Variants in PALLD observed in about 807,000 individuals in gnomAD.
PALLD encodes palladin, cytoskeletal associated protein, also known as palladin.
In PALLD, 61 loss-of-function variants were observed where a neutral mutation model predicts 123.5. The ratio of observed to expected loss-of-function variants is 0.49; its 90% CI spans 0.40 to 0.61. PALLD has a LOEUF of 0.61. Ranked by LOEUF, PALLD falls within the 20% of genes least tolerant of loss-of-function variation. The pLI, the probability that PALLD is intolerant of heterozygous loss-of-function variation, is 0.00. For missense variants in PALLD, 1,273 were observed against 1,377.0 expected (o/e 0.92, Z 1.20); for synonymous variants, 465 against 496.4 (o/e 0.94, Z 0.84).
intron 6 of PALLD, among the ~76,000 whole-genome samples, chr4:168,686,246 C>T (rs371756143): frequency 3.6e-4 from 55 of 152,162 alleles, no homozygotes; most frequent in Admixed American, 1.2e-3. Flanking sequence ...CTGGGATACA[C>T]GTGCAGAATG....
rs77206897 is a variant in PALLD, at chr4:168,733,347, T to G, written c.1964+21424T>G. 3.8e-3 allele frequency among the ~76,000 whole-genome samples: 576 copies of G among 152,326 alleles called. 3 individuals carry two copies. Among genetic ancestry groups the G allele is most frequent in the Middle Eastern group, 0.02 (6 of 294 alleles). ...TTCCTAACCCTGAAATTCTACAAAT[T>G]TACTGCTTAGGGATGACTCCTGCAT... On this transcript the variant is annotated intron_variant, in intron 10 of 21. Transcript: ENST00000505667.
chr4:168,832,124 T>C, intron 10 of PALLD: 2 of 976,984 alleles, frequency 2.0e-6, no homozygotes, highest in South Asian at 4.7e-5. Context: ...TCCCGCTCGC[T>C]CCGGACGCGG....
intron 2 of PALLD, among the ~76,000 whole-genome samples, chr4:168,590,036 C>T (rs1771242259): frequency 6.6e-6 from 1 of 152,188 alleles, no homozygotes; most frequent in African/African-American, 2.4e-5. Flanking sequence ...CTCAGGTTGA[C>T]TAGAAGTCTT....
At chr4:168,741,715 G>GGA (rs143187290) in intron 10 of PALLD, among the ~76,000 whole-genome samples, 34 of 151,288 alleles carry the variant, frequency 2.2e-4, no homozygotes, top group African/African-American at 8.2e-4. Flanking sequence ...AAGAATGGTT[G>GGA]GAGAGAGAGA....
intron 2 of PALLD, among the ~76,000 whole-genome samples, chr4:168,573,827 C>A (rs13128960): frequency 0.66 from 99,613 of 151,966 alleles, 32,858 homozygotes; most frequent in East Asian, 0.91. Context: ...TATTGTATTT[C>A]TAAATGCTTG....
intron 10 of PALLD, among the ~76,000 whole-genome samples, chr4:168,746,284 G>A (rs532950048): frequency 8.6e-5 from 13 of 150,392 alleles, no homozygotes; most frequent in African/African-American, 2.9e-4. Context: ...AGGAGGCTGA[G>A]GCAGGAGAAT....
chr4:168,802,159 C>G (rs767650300), intron 10 of PALLD, among the ~76,000 whole-genome samples: 12 of 152,218 alleles, frequency 7.9e-5, no homozygotes, highest in Non-Finnish European at 1.3e-4. Context: ...CCTCTTTTAT[C>G]TGTGTAGTCA....
chr4:168,886,181 A>C (rs984947833), intron 10 of PALLD, among the ~76,000 whole-genome samples: 2 of 152,174 alleles, frequency 1.3e-5, no homozygotes, highest in Non-Finnish European at 2.9e-5. Flanking sequence ...TATGCATAAA[A>C]TCTTAATACA....
chr4:168,650,178 GAAAAGAAAAGAAAAAAAAGA>G (rs1777894074), intron 2 of PALLD, among the ~76,000 whole-genome samples: 1 of 151,570 alleles, frequency 6.6e-6, no homozygotes, highest in African/African-American at 2.4e-5. Context: ...CCATCTGAAA[GAAAAGAAAAGAAAAAAAAGA>G]AAAAGAAAAG....
chr4:168,539,004 C>T (rs1765354859), intron 2 of PALLD, among the ~76,000 whole-genome samples: 1 of 152,178 alleles, frequency 6.6e-6, no homozygotes, highest in Non-Finnish European at 1.5e-5. Flanking sequence ...GAAAAACAGG[C>T]ATTTCACAGA....
chr4:168,664,877 C>T (rs957087418), intron 2 of PALLD, among the ~76,000 whole-genome samples: 16 of 151,872 alleles, frequency 1.1e-4, no homozygotes, highest in African/African-American at 3.9e-4. Flanking sequence ...TGTGTTTGAT[C>T]TATGATTGGA....
At position 168,924,401 on chromosome 4, in the gene PALLD, C is replaced by T. The variant is rs2126574261; in HGVS notation, c.3205C>T (p.His1069Tyr). 1.2e-6 allele frequency: 2 copies of T among 1,613,934 alleles called. No individual in the cohort carries two copies. The highest frequency in any genetic ancestry group is 2.2e-5 in the East Asian group (1 of 44,872). The change falls in exon 19 of 22, where the codon CAC (histidine) becomes TAC (tyrosine). Residue 1069 changes from histidine to tyrosine, a missense_variant. Coordinates refer to ENST00000505667, the MANE Select transcript of PALLD (RefSeq NM_001166108.2). ...FWKKENESLTHSTDRVSMHQD... is the reference protein window; with the variant it reads ...FWKKENESLTYSTDRVSMHQD... ...GAAGAAAGAAAATGAATCACTCACT[C>T]ACAGCACTGACCGAGTGAGGTAAGA... is the stretch of plus-strand genomic sequence containing the variant.
intron 2 of PALLD, among the ~76,000 whole-genome samples, chr4:168,583,718 A>G (rs1226222572): frequency 4.6e-5 from 7 of 152,164 alleles, no homozygotes; most frequent in South Asian, 2.1e-4. Context: ...TACACATCTC[A>G]GCCCTTGGGA....
chr4:168,876,164 T>C (rs1314541831), intron 10 of PALLD, among the ~76,000 whole-genome samples: 1 of 152,084 alleles, frequency 6.6e-6, no homozygotes, highest in African/African-American at 2.4e-5. Context: ...ATTGAGGAAA[T>C]GTAAGAGAGA....
At chr4:168,542,420 T>A (rs1402629736) in intron 2 of PALLD, among the ~76,000 whole-genome samples, 6 of 151,540 alleles carry the variant, frequency 4.0e-5, no homozygotes, top group East Asian at 3.9e-4. Flanking sequence ...GAAAATTTTT[T>A]AAAATAAATT....
At chr4:168,681,540 AT>A (rs34328020) in intron 4 of PALLD, 142 bp downstream of exon 4, 40,898 of 335,116 alleles carry the variant, frequency 0.12, 38 homozygotes, top group South Asian at 0.18. Flanking sequence ...TTGGAACACA[AT>A]TTTTTTTTTT....
intron 2 of PALLD, among the ~76,000 whole-genome samples, chr4:168,620,325 C>A (rs1048322831): frequency 6.6e-6 from 1 of 152,054 alleles, no homozygotes; most frequent in African/African-American, 2.4e-5. Flanking sequence ...CGTGGTGGCA[C>A]GCTCCTGTAA....
chr4:168,500,074 T>A (rs1761237040), intron 1 of PALLD, among the ~76,000 whole-genome samples: 1 of 152,200 alleles, frequency 6.6e-6, no homozygotes, highest in South Asian at 2.1e-4. Context: ...TTGAAACTTT[T>A]TCTGCTGCAG....
chr4:168,718,683 G>A (rs1004629461), intron 10 of PALLD, among the ~76,000 whole-genome samples: 2 of 152,084 alleles, frequency 1.3e-5, no homozygotes, highest in African/African-American at 4.8e-5. Context: ...TTGTTTACAT[G>A]CCTATCAAGC....
Sources: gnomAD v4.1 joint callset for allele counts (sites outside exome capture counted in the v4.1 genomes callset) on GRCh38, gnomAD v4.1.1 for gene constraint, MANE v1.5 for transcripts, NCBI Gene and HGNC (gene_info 2026-07-23, HGNC 2026-07-21) for gene names.